SOX5: variants seen among roughly 807,000 people sequenced by gnomAD.
SOX5 encodes SRY-box transcription factor 5.
A neutral mutation model predicts 92.0 loss-of-function variants in SOX5; 9 were observed. The ratio of observed to expected loss-of-function variants is 0.10; its 90% CI spans 0.06 to 0.17. SOX5 has a LOEUF of 0.17. Ranked by LOEUF, SOX5 falls within the 10% of genes least tolerant of loss-of-function variation. SOX5 has a pLI of 1.00. For synonymous variants in SOX5, 344 were observed against 336.3 expected (o/e 1.02, Z -0.25); for missense variants, 642 against 944.5 (o/e 0.68, Z 4.20).
At chr12:23,722,959 C>T (rs1593672944) in intron 6 of SOX5, among the ~76,000 whole-genome samples, 1 of 152,094 alleles carries the variant, frequency 6.6e-6, no homozygotes, top group East Asian at 1.9e-4. Flanking sequence ...AAAGCATCCT[C>T]AATTAGGGGC....
At chr12:24,446,713 G>T (rs988244252) in intron 1 of SOX5, among the ~76,000 whole-genome samples, 3 of 152,304 alleles carry the variant, frequency 2.0e-5, no homozygotes, top group African/African-American at 7.2e-5. Flanking sequence ...GGCAAGAGGT[G>T]ATAGTAATGG....
At chr12:24,492,135 G>A (rs1394007211) in intron 1 of SOX5, among the ~76,000 whole-genome samples, 4 of 152,176 alleles carry the variant, frequency 2.6e-5, no homozygotes, top group African/African-American at 9.7e-5. Context: ...ATGGCCATCT[G>A]TCTCCCCTTC....
chr12:24,373,417 AAT>A (rs1293913726), intron 1 of SOX5, among the ~76,000 whole-genome samples: 1 of 152,218 alleles, frequency 6.6e-6, no homozygotes, highest in Non-Finnish European at 1.5e-5. Flanking sequence ...CAGTGTGTAC[AAT>A]ATGCTAAATT....
intron 2 of SOX5, among the ~76,000 whole-genome samples, chr12:23,873,017 A>G (rs1017233105): frequency 9.9e-5 from 15 of 152,244 alleles, no homozygotes; most frequent in Non-Finnish European, 2.9e-5. Flanking sequence ...TACAAAATAC[A>G]GAAAAGTTTA....
At chr12:23,558,424 CTCCT>C (rs1199985239) in intron 11 of SOX5, among the ~76,000 whole-genome samples, 1 of 152,154 alleles carries the variant, frequency 6.6e-6, no homozygotes, top group African/African-American at 2.4e-5. Flanking sequence ...AAAATGACTT[CTCCT>C]TCCTGAATCT....
chr12:24,143,702 T>C (rs1950795319), intron 4 of SOX5, among the ~76,000 whole-genome samples: 1 of 151,740 alleles, frequency 6.6e-6, no homozygotes. Context: ...GAAAAATGAC[T>C]CAAAAAAATG....
At chr12:23,970,474 A>T (rs1468124579) in intron 4 of SOX5, among the ~76,000 whole-genome samples, 1 of 152,092 alleles carries the variant, frequency 6.6e-6, no homozygotes, top group Non-Finnish European at 1.5e-5. Flanking sequence ...AGTCTCTGGT[A>T]ACCTCATATC....
chr12:24,237,144 G>A lies in SOX5; in HGVS notation c.-76-23727C>T, dbSNP rs1964676139. ...CTGAATTTACCATGTTAGTGGGTATGAATAAATGTTATTGGGCATAAATAC... is the reference window on the plus strand; with the variant it reads ...CTGAATTTACCATGTTAGTGGGTATAAATAAATGTTATTGGGCATAAATAC... On this transcript the variant is annotated intron_variant, in intron 3 of 4. Coordinates refer to the SOX5 transcript ENST00000446891. 2.0e-5 allele frequency among the ~76,000 whole-genome samples: 3 copies of A among 152,164 alleles called. No homozygotes were observed. In the South Asian group the frequency reaches 6.2e-4, roughly 32 times the overall value.
intron 1 of SOX5, among the ~76,000 whole-genome samples, chr12:24,487,903 G>T (rs113693590): frequency 1.3e-5 from 2 of 151,900 alleles, no homozygotes; most frequent in African/African-American, 2.4e-5. Flanking sequence ...TTCAGACAAC[G>T]CAAGGATTCA....
rs560018894 is a variant in SOX5, at chr12:23,666,517, A to G, written c.811-953T>C. ...TAACTAAAATACTTTTTTTGAACAA[A>G]TATTTAAGCAAGATCTCGCTGGTGA... On this transcript the variant is annotated intron_variant, in intron 6 of 14. Coordinates refer to ENST00000451604, the MANE Select transcript of SOX5 (RefSeq NM_006940.6). 9.2e-5 allele frequency among the ~76,000 whole-genome samples: 14 copies of G among 152,312 alleles called. No homozygotes were observed. The South Asian group carries it at 2.9e-3, about 32-fold the overall frequency.
At chr12:23,740,370 ATC>A (rs2093751563) in intron 5 of SOX5, among the ~76,000 whole-genome samples, 1 of 151,952 alleles carries the variant, frequency 6.6e-6, no homozygotes, top group Non-Finnish European at 1.5e-5. Flanking sequence ...TATTCCTTTC[ATC>A]TCTTTGTCCA....
Position 24,068,680 on chromosome 12 carries a change from A to ATGTGTGTGTGTGTG in SOX5, c.-2+144649_-2+144662dup, listed in dbSNP as rs367765179. On this transcript the variant is annotated intron_variant, in intron 4 of 4. Transcript: ENST00000446891. ...TTATTTTTAGAAAGGTCAAAGTCGT[A>ATGTGTGTGTGTGTG]TGTGTGTGTGTGTGTGTGTGTGTGT... Among the ~76,000 whole-genome samples the ATGTGTGTGTGTGTG allele has an allele frequency of 6.3e-3, 393 of 62,440 alleles. 2 individuals are homozygous for ATGTGTGTGTGTGTG. Among genetic ancestry groups the ATGTGTGTGTGTGTG allele is most frequent in the Non-Finnish European group, 9.3e-3 (300 of 32,120 alleles). The allele number at this position is 62,440 out of a possible 152,430, so 41.0% of individuals were successfully genotyped here. A position where few individuals can be genotyped will look rare whatever the true frequency, so the allele number is the denominator to read the frequency against.
At chr12:23,682,309 C>A (rs1216848087) in intron 6 of SOX5, among the ~76,000 whole-genome samples, 1 of 151,730 alleles carries the variant, frequency 6.6e-6, no homozygotes, top group Admixed American at 6.6e-5. Flanking sequence ...ATTTCATTTT[C>A]TGAATAAGTG....
At chr12:23,562,812 T>C (rs1946441873) in intron 11 of SOX5, among the ~76,000 whole-genome samples, 1 of 152,194 alleles carries the variant, frequency 6.6e-6, no homozygotes, top group Non-Finnish European at 1.5e-5. Flanking sequence ...GACAGTGTTT[T>C]GCACTGGAAA....
chr12:24,029,886 G>A (rs2136827074), intron 4 of SOX5, among the ~76,000 whole-genome samples: 1 of 152,114 alleles, frequency 6.6e-6, no homozygotes, highest in African/African-American at 2.4e-5. Context: ...TAATGCAAGA[G>A]TAAAGAAATG....
intron 1 of SOX5, among the ~76,000 whole-genome samples, chr12:24,376,065 G>A (rs192706894): frequency 1.3e-5 from 2 of 152,250 alleles, no homozygotes; most frequent in Admixed American, 6.5e-5. Context: ...AGCCTGAAGC[G>A]TATTTCCTAG....
chr12:23,711,947 A>G (rs981460971), intron 6 of SOX5, among the ~76,000 whole-genome samples: 1 of 152,186 alleles, frequency 6.6e-6, no homozygotes, highest in African/African-American at 2.4e-5. Context: ...ATTTATTTCT[A>G]ATGACTATAA....
chr12:23,580,529 T>C (rs1217905431), intron 9 of SOX5, among the ~76,000 whole-genome samples: 1 of 152,058 alleles, frequency 6.6e-6, no homozygotes, highest in Non-Finnish European at 1.5e-5. Flanking sequence ...GTTTGGACTA[T>C]TCTTTTAGAA....
chr12:24,077,864 A>G (rs945625427), intron 4 of SOX5, among the ~76,000 whole-genome samples: 8 of 148,718 alleles, frequency 5.4e-5, no homozygotes, highest in Non-Finnish European at 8.9e-5. Flanking sequence ...TAAAATCTTA[A>G]CAACACACCC....
Sources: gnomAD v4.1 joint callset for allele counts (sites outside exome capture counted in the v4.1 genomes callset) on GRCh38, gnomAD v4.1.1 for gene constraint, MANE v1.5 for transcripts, NCBI Gene and HGNC (gene_info 2026-07-23, HGNC 2026-07-21) for gene names.